The following RALYL variants were observed in gnomAD, a reference collection of about 807,000 sequenced individuals.
RALYL encodes the protein RNA-binding Raly-like protein.
A neutral mutation model predicts 35.1 loss-of-function variants in RALYL; 29 were observed. The observed-to-expected ratio is 0.83, with a 90% confidence interval of 0.61 to 1.13. RALYL has a LOEUF of 1.13. RALYL is among the 50% of genes most tolerant of loss of function. The pLI is 0.00. For synonymous variants in RALYL, 120 were observed against 127.6 expected, an observed-to-expected ratio of 0.94 and a Z score of 0.40; for missense variants, 359 against 360.4, an observed-to-expected ratio of 1.00 and a Z score of 0.03.
At chr8:84,313,926 G>A (rs1384669727) in intron 1 of RALYL, among the ~76,000 whole-genome samples, 2 of 151,964 alleles carry the variant, frequency 1.3e-5, no homozygotes, top group African/African-American at 2.4e-5. Context: ...CACTATCCTG[G>A]TACCAAGTCT....
At chr8:84,744,692 T>C (rs1439098231) in intron 2 of RALYL, among the ~76,000 whole-genome samples, 1 of 151,908 alleles carries the variant, frequency 6.6e-6, no homozygotes, top group African/African-American at 2.4e-5. Context: ...CAAAGGAAGG[T>C]CATTAACTGT....
chr8:84,515,567 C>T (rs185321133), intron 1 of RALYL, among the ~76,000 whole-genome samples: 39 of 152,266 alleles, frequency 2.6e-4, no homozygotes, highest in African/African-American at 9.4e-4. Flanking sequence ...TGTGCTCCTG[C>T]TCTTTCCAGA....
At chr8:84,376,152 A>G (rs1856866671) in intron 1 of RALYL, among the ~76,000 whole-genome samples, 1 of 151,878 alleles carries the variant, frequency 6.6e-6, no homozygotes, top group Admixed American at 6.6e-5. Context: ...TTATGTTGTC[A>G]TGAATAGAAA....
At chr8:84,754,532 G>A (rs1810913283) in intron 2 of RALYL, among the ~76,000 whole-genome samples, 1 of 152,158 alleles carries the variant, frequency 6.6e-6, no homozygotes, top group South Asian at 2.1e-4. Flanking sequence ...ATGCAATGGT[G>A]GAACTGACTA....
At chr8:84,771,892 G>A (rs566973830) in intron 2 of RALYL, among the ~76,000 whole-genome samples, 3 of 151,962 alleles carry the variant, frequency 2.0e-5, no homozygotes, top group African/African-American at 7.2e-5. Context: ...GTATTTTAAG[G>A]TTAGCGATTT....
intron 8 of RALYL, among the ~76,000 whole-genome samples, chr8:84,917,717 G>A (rs1848707586): frequency 6.6e-6 from 1 of 151,686 alleles, no homozygotes. Context: ...TCCTCCATTG[G>A]TAGTTATTCC....
At chr8:84,534,735 G>T (rs1309992985) in intron 2 of RALYL, among the ~76,000 whole-genome samples, 1 of 152,066 alleles carries the variant, frequency 6.6e-6, no homozygotes, top group Non-Finnish European at 1.5e-5. Context: ...AAGGAGAAGT[G>T]GCAATTACAA....
At chr8:84,423,569 T>C (rs1341564365) in intron 1 of RALYL, among the ~76,000 whole-genome samples, 3 of 152,134 alleles carry the variant, frequency 2.0e-5, no homozygotes, top group Admixed American at 6.5e-5. Flanking sequence ...AATATTGTTA[T>C]GTGTGAATTT....
intron 2 of RALYL, among the ~76,000 whole-genome samples, chr8:84,764,191 A>C (rs1813347347): frequency 6.6e-6 from 1 of 152,188 alleles, no homozygotes. Flanking sequence ...CCATGTTCCC[A>C]AAGTGTGAAG....
chr8:84,818,440 T>C (rs1008773256), intron 4 of RALYL, among the ~76,000 whole-genome samples: 13 of 152,066 alleles, frequency 8.5e-5, no homozygotes, highest in African/African-American at 3.1e-4. Flanking sequence ...CAAGGTGAGG[T>C]AAGAATTCAA....
At chr8:84,214,897 T>A (rs534543226) in intron 1 of RALYL, among the ~76,000 whole-genome samples, 24 of 151,918 alleles carry the variant, frequency 1.6e-4, no homozygotes, top group Admixed American at 4.6e-4. Flanking sequence ...ATTTTTTTTT[T>A]AATTTTTATA....
intron 1 of RALYL, among the ~76,000 whole-genome samples, chr8:84,491,083 C>T (rs1197008556): frequency 6.6e-6 from 1 of 151,680 alleles, no homozygotes; most frequent in African/African-American, 2.4e-5. Context: ...TTTCCTCTGT[C>T]TATATAAGTA....
intron 2 of RALYL, among the ~76,000 whole-genome samples, chr8:84,715,770 T>G (rs1193364803): frequency 1.3e-5 from 2 of 152,086 alleles, no homozygotes; most frequent in African/African-American, 4.8e-5. Flanking sequence ...CTTTTTCTAC[T>G]TATTGATTTT....
rs190470312 is a variant in RALYL, at chr8:84,468,099, T to C, written c.-23-61200T>C. 5.1e-3 allele frequency among the ~76,000 whole-genome samples: 781 copies of C among 151,772 alleles called. 7 individuals are homozygous for C. The highest frequency in any genetic ancestry group is 0.017 in the African/African-American group (702 of 41,286). ...TGATAGGTCTTGACTCTTTATCCAATTTGCCAGTCTGTGTCTTTTAATTGG... is the reference window on the plus strand; with the variant it reads ...TGATAGGTCTTGACTCTTTATCCAACTTGCCAGTCTGTGTCTTTTAATTGG... On this transcript the variant is annotated intron_variant, in intron 1 of 8. Coordinates refer to ENST00000521268, the MANE Select transcript of RALYL (RefSeq NM_173848.7).
chr8:84,801,720 T>TGAA (rs1442786567), intron 3 of RALYL, among the ~76,000 whole-genome samples: 2 of 152,164 alleles, frequency 1.3e-5, no homozygotes, highest in Admixed American at 6.5e-5. Flanking sequence ...TTTTCTGGAA[T>TGAA]GAAGTGTTTA....
intron 5 of RALYL, among the ~76,000 whole-genome samples, chr8:84,860,419 AGTTTTGGGT>A (rs534636921): frequency 1.3e-5 from 2 of 152,150 alleles, no homozygotes; most frequent in Non-Finnish European, 2.9e-5. Flanking sequence ...TTCACTCAAT[AGTTTTGGGT>A]GTTATAGCTC....
chr8:84,884,494 T>A (rs913341127), intron 7 of RALYL, among the ~76,000 whole-genome samples: 1 of 134,424 alleles, frequency 7.4e-6, no homozygotes, highest in Non-Finnish European at 1.5e-5. Flanking sequence ...TATATATACA[T>A]ATACACACAA....
intron 1 of RALYL, among the ~76,000 whole-genome samples, chr8:84,511,101 T>C (rs923898299): frequency 3.3e-5 from 5 of 152,214 alleles, no homozygotes; most frequent in Non-Finnish European, 2.9e-5. Context: ...CTTAAGCCTC[T>C]TGTAACCATC....
At chr8:84,452,656 T>G (rs903471411) in intron 1 of RALYL, among the ~76,000 whole-genome samples, 9 of 151,942 alleles carry the variant, frequency 5.9e-5, no homozygotes, top group Non-Finnish European at 1.0e-4. Context: ...GAGCTGAAAT[T>G]TTTTAAAGAG....
Sources: gnomAD v4.1 joint callset for allele counts (sites outside exome capture counted in the v4.1 genomes callset) on GRCh38, gnomAD v4.1.1 for gene constraint, MANE v1.5 for transcripts, NCBI Gene and HGNC (gene_info 2026-07-23, HGNC 2026-07-21) for gene names.